KNTC1: variants seen among roughly 807,000 people sequenced by gnomAD.
KNTC1 encodes kinetochore-associated protein 1.
Under a neutral mutation model 314.4 loss-of-function variants are expected in KNTC1, and 253 were observed. The observed-to-expected ratio is 0.80, with a 90% CI of 0.73 to 0.89. KNTC1 has a LOEUF of 0.89. KNTC1 is among the 40% of genes least tolerant of loss of function. KNTC1 has a pLI of 0.00. For missense variants in KNTC1, 2,475 were observed against 2,572.9 expected (o/e 0.96, Z 0.82); for synonymous variants, 901 against 901.4 (o/e 1.00, Z 0.01).
rs367987143 is a variant in KNTC1 at position 122,626,251 on chromosome 12, A to C, written c.*23A>C. 3.2e-6 allele frequency: 5 copies of C among 1,561,128 alleles called. No homozygotes were observed. The highest frequency in any genetic ancestry group is 4.4e-6 in the Non-Finnish European group (5 of 1,137,772). ...TAAATCACTGAACCTTTTTTTCAAG[A>C]AGGACAAGAATTTTGGAGTCTGCTA... On this transcript the variant is annotated 3_prime_UTR_variant, in exon 64 of 64. Coordinates refer to ENST00000333479, the MANE Select transcript of KNTC1 (RefSeq NM_014708.6).
At chr12:122,604,290 G>T (rs1872333232) in intron 48 of KNTC1, among the ~76,000 whole-genome samples, 1 of 150,896 alleles carries the variant, frequency 6.6e-6, no homozygotes, top group Admixed American at 6.6e-5. Flanking sequence ...GGGACTACAG[G>T]CATGTGCCAC....
chr12:122,550,110 C>CT (rs1218503384), intron 13 of KNTC1, among the ~76,000 whole-genome samples: 2 of 151,866 alleles, frequency 1.3e-5, no homozygotes, highest in Admixed American at 6.6e-5. Flanking sequence ...GCTTATTCTT[C>CT]TTTCTTGTGT....
At chr12:122,608,989 G>C (rs762413826) in intron 51 of KNTC1, among the ~76,000 whole-genome samples, 3 of 152,142 alleles carry the variant, frequency 2.0e-5, no homozygotes, top group Admixed American at 2.0e-4. Context: ...AGCACAGGAG[G>C]TTGAGGCTGC....
intron 2 of KNTC1, among the ~76,000 whole-genome samples, chr12:122,533,201 C>G (rs1291111448): frequency 1.5e-4 from 22 of 149,652 alleles, no homozygotes; most frequent in Admixed American, 1.5e-3. Context: ...GAGTCTTGCT[C>G]TGTTGCCCAG....
chr12:122,591,166 C>G (rs999064829), intron 41 of KNTC1, among the ~76,000 whole-genome samples, 171 bp from the exon 42 acceptor site: 3 of 151,972 alleles, frequency 2.0e-5, no homozygotes, highest in South Asian at 2.1e-4. Flanking sequence ...ATACGAAAAC[C>G]TGAATTACCT....
rs149004029 is a variant in KNTC1, at chr12:122,548,033, A to C, written c.987+64A>C. ...TGTTAGAAAAAGCATTAGTGAATAC[A>C]AAAGTAGATGTTAAATAGTACAGCA... On this transcript the variant is annotated intron_variant, in intron 12 of 63. Coordinates refer to ENST00000333479, the MANE Select transcript of KNTC1 (RefSeq NM_014708.6). The C allele has an allele frequency of 7.2e-4, 714 of 994,824 alleles. 2 individuals are homozygous for C. In the African/African-American group the frequency reaches 0.01, roughly 14 times the overall value. 61.6% of individuals were successfully genotyped at this position (994,824 alleles called of 1,614,324 possible). A position where few individuals can be genotyped will look rare whatever the true frequency, so the allele number is the denominator to read the frequency against.
chr12:122,585,495 G>A (rs532057010), intron 36 of KNTC1, 141 bp from the exon 37 acceptor site: 26 of 818,570 alleles, frequency 3.2e-5, no homozygotes, highest in African/African-American at 1.4e-4. Flanking sequence ...AAAACATTGG[G>A]CCTCCAGCAA....
At chr12:122,558,063 A>G (rs778667701) in intron 18 of KNTC1, among the ~76,000 whole-genome samples, 1 of 152,098 alleles carries the variant, frequency 6.6e-6, no homozygotes, top group Non-Finnish European at 1.5e-5. Flanking sequence ...CAGCCTGGCC[A>G]ACATGGTGAA....
intron 4 of KNTC1, among the ~76,000 whole-genome samples, chr12:122,538,757 C>G (rs1381530762): frequency 6.6e-6 from 1 of 152,150 alleles, no homozygotes. Flanking sequence ...CCCCGAAGGG[C>G]TTAGCTCTTG....
intron 19 of KNTC1, among the ~76,000 whole-genome samples, 177 bp downstream of exon 19, chr12:122,562,151 A>G (rs1964015924): frequency 6.6e-6 from 1 of 152,238 alleles, no homozygotes; most frequent in African/African-American, 2.4e-5. Flanking sequence ...TTGAGATCAA[A>G]GGAAATAATT....
At chr12:122,540,124 T>A (rs575838866) in intron 5 of KNTC1, among the ~76,000 whole-genome samples, 1 of 152,068 alleles carries the variant, frequency 6.6e-6, no homozygotes, top group South Asian at 2.1e-4. Context: ...AATTCAAATT[T>A]GTGGTTAATA....
chr12:122,549,105 G>A (rs1327827500), intron 12 of KNTC1, among the ~76,000 whole-genome samples: 3 of 152,162 alleles, frequency 2.0e-5, no homozygotes, highest in African/African-American at 7.2e-5. Context: ...AGACAGGAGT[G>A]TGTGTAGTGG....
rs181999707 is a variant in KNTC1 at position 122,622,677 on chromosome 12, G to A, written c.6515+70G>A. On this transcript the variant is annotated intron_variant, in intron 62 of 63. Transcript: ENST00000333479. ...AAATCTATCTTTATAAGCTGGGCAC[G>A]ATGGCTCACGACTGTAATCCTAGCA... 2.4e-4 allele frequency: 300 copies of A among 1,261,538 alleles called. 1 individual carries two copies. The African/African-American group carries it at 3.6e-3, about 15-fold the overall frequency. The allele number at this position is 1,261,538 out of a possible 1,614,324, so 78.1% of individuals were successfully genotyped here. A position where few individuals can be genotyped will look rare whatever the true frequency, so the allele number is the denominator to read the frequency against.
intron 16 of KNTC1, among the ~76,000 whole-genome samples, chr12:122,553,437 T>C (rs1311435797): frequency 6.6e-6 from 1 of 152,130 alleles, no homozygotes; most frequent in African/African-American, 2.4e-5. Context: ...GGAAGATTCC[T>C]TGAGGTCAGG....
chr12:122,563,048 T>C (rs1480386936), intron 20 of KNTC1, among the ~76,000 whole-genome samples: 6 of 151,900 alleles, frequency 3.9e-5, no homozygotes, highest in Admixed American at 3.3e-4. Context: ...ATAAGTTACA[T>C]AGAAATTTGG....
chr12:122,580,673 A>G lies in KNTC1; in HGVS notation c.2982+3A>G. 6.5e-7 allele frequency: 1 copy of G among 1,542,028 alleles called. No homozygotes were observed. Among genetic ancestry groups the G allele is most frequent in the Non-Finnish European group, 8.8e-7 (1 of 1,133,842 alleles). ...TTAAAGAGGTTGCTAGCTTACAGGT[A>G]AACATATTGAGCCATGTTAAACATT... is the stretch of plus-strand genomic sequence containing the variant. On this transcript the variant is annotated splice_donor_region_variant and intron_variant, in intron 33 of 63. Transcript: ENST00000333479.
intron 20 of KNTC1, among the ~76,000 whole-genome samples, chr12:122,567,590 A>T: frequency 6.6e-6 from 1 of 152,020 alleles, no homozygotes; most frequent in African/African-American, 2.4e-5. Context: ...TGTAATCGCA[A>T]CACTTTGGGA....
intron 58 of KNTC1, 24 bp from the exon 59 acceptor site, chr12:122,618,458 G>A (rs1874017261): frequency 6.3e-7 from 1 of 1,584,252 alleles, no homozygotes; most frequent in Non-Finnish European, 8.6e-7. Flanking sequence ...GTATATCATG[G>A]TTGTTTTTTT....
intron 12 of KNTC1, among the ~76,000 whole-genome samples, chr12:122,549,304 G>C (rs766559428): frequency 6.6e-6 from 1 of 152,086 alleles, no homozygotes; most frequent in African/African-American, 2.4e-5. Flanking sequence ...TGATCCGCCT[G>C]CCTCGGCCTC....
Sources: allele counts gnomAD v4.1 joint callset (sites outside exome capture counted in the v4.1 genomes callset), GRCh38; gene constraint gnomAD v4.1.1; transcripts MANE v1.5; gene names NCBI Gene and HGNC (gene_info 2026-07-23, HGNC 2026-07-21).